The following ZFYVE26 variants were observed in gnomAD, a reference collection of about 807,000 sequenced individuals.
ZFYVE26 encodes the protein zinc finger FYVE domain-containing protein 26.
A neutral mutation model predicts 276.5 loss-of-function variants in ZFYVE26; 181 were observed. The observed-to-expected ratio is 0.65, with a 90% confidence interval of 0.58 to 0.74. The LOEUF (loss-of-function observed/expected upper bound fraction) is 0.74, where lower values mean the gene tolerates loss of function less well. Among genes scored for constraint, ZFYVE26 ranks in the 30% least tolerant of loss-of-function variants. ZFYVE26 has a pLI of 0.00. For missense variants in ZFYVE26, 2,821 were observed against 3,097.9 expected (o/e 0.91, Z 2.12); for synonymous variants, 1,129 against 1,203.1 (o/e 0.94, Z 1.27).
chr14:67,785,891 G>A lies in ZFYVE26; in HGVS notation c.3271C>T (p.Leu1091Phe), dbSNP rs746199954. The A allele has an allele frequency of 5.6e-6, 9 of 1,614,072 alleles. No individual in the cohort carries two copies. Among genetic ancestry groups the A allele is most frequent in the East Asian group, 2.2e-5 (1 of 44,886 alleles). ...TTLSQQLDQV[L>F]QSLREALELP... ...TCTAGTGCCTCTCTCAGTGACTGAA[G>A]GACCTGATCTAGCTGCTGGGAGAGG... Residue 1091 changes from leucine (L) to phenylalanine (F), a missense_variant, in exon 18 of 42, where the codon CTT becomes TTT. Physicochemically the swap from Leu to Phe is conservative, Grantham distance 22 (BLOSUM62 0). Transcript: ENST00000347230.
In ZFYVE26 at chr14:67,762,830, G is replaced by C; in HGVS notation, c.6012-11C>G. The C allele has an allele frequency of 6.2e-7, 1 of 1,613,674 alleles. No individual in the cohort carries two copies. Among genetic ancestry groups the C allele is most frequent in the East Asian group, 2.2e-5 (1 of 44,884 alleles). ...ACCTTGCTGATGTAGCTACAAGGAGGAAAAGGGCAAGGCCATGAGGCTCCC... is the reference window on the plus strand; with the variant it reads ...ACCTTGCTGATGTAGCTACAAGGAGCAAAAGGGCAAGGCCATGAGGCTCCC... On this transcript the variant is annotated splice_polypyrimidine_tract_variant and intron_variant, in intron 32 of 41. Transcript: ENST00000347230.
intron 41 of ZFYVE26, chr14:67,750,661 CT>C: frequency 3.5e-5 from 9 of 258,990 alleles, no homozygotes; most frequent in Non-Finnish European, 6.1e-5. Context: ...CTTACTGTAC[CT>C]TTTTCCCTCT....
chr14:67,804,381 T>A, intron 8 of ZFYVE26, 117 bp from the exon 9 acceptor site: 1 of 1,272,110 alleles, frequency 7.9e-7, no homozygotes. Flanking sequence ...CAGGCTTCCC[T>A]TCCCTACAAT....
In ZFYVE26 at chr14:67,802,220, C is replaced by T. The variant is rs757060753; in HGVS notation, c.1498G>A (p.Gly500Ser). Residue 500 changes from glycine (G) to serine (S), a missense_variant, in exon 10 of 42, where the codon GGC becomes AGC. By Grantham distance (56) the Gly-to-Ser change is moderately conservative (BLOSUM62 0). Transcript: ENST00000347230. ...ATGGCATACTTCATGGCACAGAAGC[C>T]CTGGTAGAGTGTCAGGTTCTGACAC... ...SQCQNLTLYQGFCAMKYAIYA... is the reference protein window; with the variant it reads ...SQCQNLTLYQSFCAMKYAIYA... 4 of 1,614,160 alleles carry T rather than the reference C, an allele frequency of 2.5e-6. No individual in the cohort carries two copies. The highest frequency in any genetic ancestry group is 8.5e-7 in the Non-Finnish European group (1 of 1,180,040).
intron 28 of ZFYVE26, chr14:67,770,202 G>A (rs2039171860): frequency 4.5e-6 from 1 of 223,628 alleles, no homozygotes; most frequent in Non-Finnish European, 9.0e-6. Context: ...GGTGGTTCAC[G>A]CCTATAATCC....
intron 11 of ZFYVE26, 105 bp downstream of exon 11, chr14:67,797,909 C>T: frequency 6.3e-7 from 1 of 1,598,772 alleles, no homozygotes; most frequent in Non-Finnish European, 8.5e-7. Flanking sequence ...GACGATATGC[C>T]CTGAGTTATG....
intron 23 of ZFYVE26, among the ~76,000 whole-genome samples, 165 bp downstream of exon 23, chr14:67,780,076 G>A (rs1256672165): frequency 2.6e-5 from 4 of 151,930 alleles, no homozygotes; most frequent in African/African-American, 9.7e-5. Flanking sequence ...TTTCACCGTG[G>A]TCTCGATCTC....
intron 35 of ZFYVE26, among the ~76,000 whole-genome samples, chr14:67,759,244 GAAAAAAA>G (rs1171265652): frequency 2.4e-5 from 2 of 81,644 alleles, no homozygotes; most frequent in Non-Finnish European, 4.6e-5. Flanking sequence ...GACTCTGTCT[GAAAAAAA>G]AAAAAAAAAA....
chr14:67,791,093 T>C (rs893145392), intron 14 of ZFYVE26, among the ~76,000 whole-genome samples: 4 of 152,236 alleles, frequency 2.6e-5, no homozygotes, highest in Non-Finnish European at 5.9e-5. Flanking sequence ...AATAACATTT[T>C]GCATCTATCA....
intron 35 of ZFYVE26, among the ~76,000 whole-genome samples, chr14:67,758,761 G>A (rs1042541171): frequency 6.6e-6 from 1 of 151,938 alleles, no homozygotes; most frequent in African/African-American, 2.4e-5. Context: ...TCAGCCTCCC[G>A]AGTAGCTGGG....
rs1439817240 is a variant in ZFYVE26 at position 67,756,011 on chromosome 14, G to A, written c.6723C>T (p.Ala2241=). 5 of 1,614,120 alleles carry A rather than the reference G, an allele frequency of 3.1e-6. No homozygotes were observed. In the African/African-American group the frequency reaches 6.7e-5, roughly 22 times the overall value. Residue 2241 remains alanine, a synonymous_variant, in exon 36 of 42, where the codon GCC becomes GCT. Transcript: ENST00000347230. ...AGTTCTTCTTCTGTAAATGTTGGCA[G>A]GCAGCAATCAAGTACTTTCCCCAGC... The part of the protein sequence containing the change: ...LESWGKYLIA[A]CQHLQKKNYY...
chr14:67,774,202 A>G (rs187032866), intron 27 of ZFYVE26, among the ~76,000 whole-genome samples: 1 of 152,202 alleles, frequency 6.6e-6, no homozygotes, highest in South Asian at 2.1e-4. Context: ...AGGTTGTTTC[A>G]ACCTCTATAT....
At chr14:67,781,137 TA>T (rs984066436) in intron 22 of ZFYVE26, among the ~76,000 whole-genome samples, 195 bp downstream of exon 22, 4 of 152,324 alleles carry the variant, frequency 2.6e-5, no homozygotes, top group African/African-American at 9.6e-5. Flanking sequence ...CAAATGTATT[TA>T]AAATTATAGG....
chr14:67,776,283 T>C (rs2039341653), intron 25 of ZFYVE26, among the ~76,000 whole-genome samples, 177 bp from the exon 26 acceptor site: 1 of 152,174 alleles, frequency 6.6e-6, no homozygotes, highest in African/African-American at 2.4e-5. Context: ...CTGCAGATGG[T>C]AATTGAGAAG....
At chr14:67,785,753 C>T (rs2039633947) in intron 18 of ZFYVE26, 105 bp downstream of exon 18, 2 of 1,490,632 alleles carry the variant, frequency 1.3e-6, no homozygotes, top group Non-Finnish European at 9.3e-7. Flanking sequence ...CTGATAGATC[C>T]CAGTTCTGGA....
chr14:67,805,848 G>A (rs1362634200), intron 6 of ZFYVE26, among the ~76,000 whole-genome samples: 2 of 152,134 alleles, frequency 1.3e-5, no homozygotes, highest in Non-Finnish European at 2.9e-5. Flanking sequence ...GGCCAACATG[G>A]GGAAACCCTA....
intron 14 of ZFYVE26, among the ~76,000 whole-genome samples, 180 bp downstream of exon 14, chr14:67,793,428 C>T (rs1335679196): frequency 6.6e-6 from 1 of 152,070 alleles, no homozygotes. Flanking sequence ...AAACAATTCA[C>T]TATCTTTCAA....
chr14:67,755,628 C>T (rs56233923), intron 36 of ZFYVE26, among the ~76,000 whole-genome samples: 73,095 of 152,124 alleles, frequency 0.48, 18,729 homozygotes, highest in Non-Finnish European at 0.59. Flanking sequence ...AAAACACTAA[C>T]GTTTCCATCA....
At chr14:67,767,575 G>T in intron 31 of ZFYVE26, 129 bp downstream of exon 31, 1 of 1,267,010 alleles carries the variant, frequency 7.9e-7, no homozygotes, top group Non-Finnish European at 1.1e-6. Flanking sequence ...GGATTTACTG[G>T]TTTAGCTCCC....
Sources: gnomAD v4.1 joint callset for allele counts (sites outside exome capture counted in the v4.1 genomes callset) on GRCh38, gnomAD v4.1.1 for gene constraint, MANE v1.5 for transcripts, NCBI Gene and HGNC (gene_info 2026-07-23, HGNC 2026-07-21) for gene names.